The following CCDC50 variants were observed in gnomAD, a reference collection of about 807,000 sequenced individuals.
CCDC50 encodes coiled-coil domain-containing protein 50.
CCDC50 carries 54 observed loss-of-function variants against 70.2 expected under a neutral mutation model. The ratio of observed to expected loss-of-function variants is 0.77; its 90% CI spans 0.62 to 0.96. The LOEUF (loss-of-function observed/expected upper bound fraction) is 0.96. Ranked by LOEUF, CCDC50 falls within the 50% of genes least tolerant of loss-of-function variation. The pLI, the probability that CCDC50 is intolerant of heterozygous loss-of-function variation, is 0.00. For synonymous variants in CCDC50, 216 were observed against 198.8 expected, an observed-to-expected ratio of 1.09 and a Z score of -0.73; for missense variants, 558 against 578.7, an observed-to-expected ratio of 0.96 and a Z score of 0.37.
intron 1 of CCDC50, among the ~76,000 whole-genome samples, chr3:191,347,497 T>G (rs1576952813): frequency 7.0e-6 from 1 of 142,278 alleles, no homozygotes; most frequent in South Asian, 2.2e-4. Context: ...TACATCCGTA[T>G]GTATACACAC....
chr3:191,384,233 G>T (rs1267210070), intron 10 of CCDC50, among the ~76,000 whole-genome samples: 1 of 151,996 alleles, frequency 6.6e-6, no homozygotes, highest in African/African-American at 2.4e-5. Context: ...AGAAATTTTT[G>T]TTTTTACCTT....
At chr3:191,381,127 G>T (rs1459567206) in intron 9 of CCDC50, among the ~76,000 whole-genome samples, 195 bp downstream of exon 9, 1 of 152,114 alleles carries the variant, frequency 6.6e-6, no homozygotes, top group Non-Finnish European at 1.5e-5. Context: ...TATGTAAAAA[G>T]TTACTGCTAA....
chr3:191,336,516 A>G (rs1278656037), intron 1 of CCDC50, among the ~76,000 whole-genome samples: 1 of 151,996 alleles, frequency 6.6e-6, no homozygotes, highest in Non-Finnish European at 1.5e-5. Flanking sequence ...AAAATCGACT[A>G]TTTTCTTATT....
chr3:191,357,708 A>G (rs955776520), intron 2 of CCDC50, among the ~76,000 whole-genome samples: 1 of 152,370 alleles, frequency 6.6e-6, no homozygotes, highest in Middle Eastern at 3.4e-3. Flanking sequence ...ATGTAGTAGT[A>G]GAAAGAGCAT....
chr3:191,358,571 C>T (rs1712373584), intron 3 of CCDC50, among the ~76,000 whole-genome samples: 1 of 152,202 alleles, frequency 6.6e-6, no homozygotes, highest in South Asian at 2.1e-4. Flanking sequence ...CTTTTCAGTA[C>T]ATAGCAGAAT....
At chr3:191,373,198 A>G (rs1380539347) in intron 5 of CCDC50, among the ~76,000 whole-genome samples, 3 of 152,108 alleles carry the variant, frequency 2.0e-5, no homozygotes, top group African/African-American at 4.8e-5. Context: ...AGAAACATAC[A>G]GGTCTCAGTC....
intron 1 of CCDC50, among the ~76,000 whole-genome samples, chr3:191,342,905 G>C (rs563312375): frequency 6.6e-6 from 1 of 152,048 alleles, no homozygotes; most frequent in African/African-American, 2.4e-5. Context: ...TGTTTTTTTC[G>C]TAGAATGTCT....
intron 2 of CCDC50, among the ~76,000 whole-genome samples, chr3:191,357,641 ACATAT>A (rs1712336099): frequency 6.6e-6 from 1 of 152,250 alleles, no homozygotes; most frequent in Non-Finnish European, 1.5e-5. Flanking sequence ...TTGTGAATTC[ACATAT>A]CAATATAAAA....
chr3:191,361,139 A>C lies in CCDC50; in HGVS notation c.310A>C (p.Ile104Leu), dbSNP rs750163642. ...GGCTATTGAGGCAGAGAGACGACGC[A>C]TTCAGGAGAAGAAGGATGAGGTATA... ...KLAIEAERRR[I>L]QEKKDEDIAR... The change falls in exon 4 of 12, where the codon ATT (isoleucine) becomes CTT (leucine). Residue 104 changes from isoleucine to leucine, a missense_variant. Transcript: ENST00000392455. 1.1e-5 allele frequency: 17 copies of C among 1,613,498 alleles called. No homozygotes were observed. Among genetic ancestry groups the C allele is most frequent in the Non-Finnish European group, 1.4e-5 (17 of 1,179,450 alleles).
intron 1 of CCDC50, among the ~76,000 whole-genome samples, chr3:191,330,939 T>A (rs1240021625): frequency 1.3e-5 from 2 of 152,202 alleles, no homozygotes; most frequent in African/African-American, 4.8e-5. Flanking sequence ...CGTGAGATTT[T>A]AGCGTTAATA....
chr3:191,339,626 A>C (rs946228652), intron 1 of CCDC50, among the ~76,000 whole-genome samples: 7 of 152,148 alleles, frequency 4.6e-5, no homozygotes, highest in African/African-American at 1.7e-4. Flanking sequence ...AAATTTGGTG[A>C]TCTTCAAGAA....
chr3:191,358,864 C>T (rs746273533), intron 3 of CCDC50, among the ~76,000 whole-genome samples: 4 of 152,128 alleles, frequency 2.6e-5, no homozygotes, highest in Non-Finnish European at 5.9e-5. Context: ...GAAGGAACCC[C>T]TTAATTTACT....
intron 1 of CCDC50, among the ~76,000 whole-genome samples, chr3:191,345,812 C>T (rs1371937988): frequency 6.6e-6 from 1 of 152,098 alleles, no homozygotes; most frequent in Non-Finnish European, 1.5e-5. Context: ...ATCAGTTTTA[C>T]TTTTCAGAAT....
chr3:191,357,693 A>G (rs563254894), intron 2 of CCDC50, among the ~76,000 whole-genome samples: 1 of 152,370 alleles, frequency 6.6e-6, no homozygotes, highest in African/African-American at 2.4e-5. Flanking sequence ...AAATAGAGTG[A>G]CAACATGTAG....
At position 191,398,095 on chromosome 3, in the gene CCDC50, G is replaced by A. The variant is rs1208307320; in HGVS notation, c.*6335G>A. 6.6e-6 allele frequency: 1 copy of A among 152,208 alleles called. No homozygotes were observed. The allele number at this position is 152,208 out of a possible 1,614,324, so 9.4% of individuals were successfully genotyped here. A position where few individuals can be genotyped will look rare whatever the true frequency, so the allele number is the denominator to read the frequency against. On this transcript the variant is annotated 3_prime_UTR_variant, in exon 12 of 12. Coordinates refer to ENST00000392455, the MANE Select transcript of CCDC50 (RefSeq NM_178335.3). ...TTGTTCCTGCTCATGACCTCATTGAGGAAAATGAGAATTGTGGTGCTGGTG... is the reference window on the plus strand; with the variant it reads ...TTGTTCCTGCTCATGACCTCATTGAAGAAAATGAGAATTGTGGTGCTGGTG...
At chr3:191,343,265 G>A (rs1308229097) in intron 1 of CCDC50, among the ~76,000 whole-genome samples, 1 of 152,200 alleles carries the variant, frequency 6.6e-6, no homozygotes, top group African/African-American at 2.4e-5. Flanking sequence ...GTAAACATAA[G>A]TGATGTTAGT....
At chr3:191,352,415 C>T (rs559513079) in intron 1 of CCDC50, among the ~76,000 whole-genome samples, 1 of 142,148 alleles carries the variant, frequency 7.0e-6, no homozygotes, top group South Asian at 2.2e-4. Flanking sequence ...CTAAGACCTG[C>T]TTGGCCTATT....
At chr3:191,359,265 C>G (rs1191465795) in intron 3 of CCDC50, among the ~76,000 whole-genome samples, 1 of 152,074 alleles carries the variant, frequency 6.6e-6, no homozygotes, top group Non-Finnish European at 1.5e-5. Context: ...TGGGGAAAAC[C>G]ATTCTAGCCA....
At chr3:191,343,684 A>T (rs1383712906) in intron 1 of CCDC50, among the ~76,000 whole-genome samples, 1 of 152,210 alleles carries the variant, frequency 6.6e-6, no homozygotes, top group Non-Finnish European at 1.5e-5. Flanking sequence ...GAAATCTAGG[A>T]GAATGTTTCT....
Sources: allele counts gnomAD v4.1 joint callset (sites outside exome capture counted in the v4.1 genomes callset), GRCh38; gene constraint gnomAD v4.1.1; transcripts MANE v1.5; gene names NCBI Gene and HGNC (gene_info 2026-07-23, HGNC 2026-07-21).